DAB1: variants seen among roughly 807,000 people sequenced by gnomAD.
DAB1 encodes the protein DAB adaptor protein 1, also known as disabled homolog 1.
Under a neutral mutation model 64.6 loss-of-function variants are expected in DAB1, and 15 were observed. That is an observed-to-expected ratio of 0.23 (90% CI 0.16 to 0.36). DAB1 has a LOEUF of 0.36. Ranked by LOEUF, DAB1 falls within the 10% of genes least tolerant of loss-of-function variation. DAB1 has a pLI of 1.00. For synonymous variants in DAB1, 235 were observed against 251.9 expected (o/e 0.93, Z 0.64); for missense variants, 596 against 706.7 (o/e 0.84, Z 1.78).
At chr1:57,677,580 G>A (rs111868953) in intron 6 of DAB1, among the ~76,000 whole-genome samples, 4 of 152,094 alleles carry the variant, frequency 2.6e-5, no homozygotes, top group African/African-American at 9.7e-5. Flanking sequence ...ATACCACGTG[G>A]CAATGATCTG....
chr1:57,181,159 G>C (rs1281447008), intron 2 of DAB1, among the ~76,000 whole-genome samples: 3 of 152,156 alleles, frequency 2.0e-5, no homozygotes, highest in African/African-American at 7.2e-5. Context: ...AAAAGTGGAA[G>C]GGAAAAGAAG....
intron 1 of DAB1, among the ~76,000 whole-genome samples, chr1:57,382,315 C>T (rs919750674): frequency 2.6e-5 from 4 of 152,176 alleles, no homozygotes; most frequent in Non-Finnish European, 4.4e-5. Flanking sequence ...TTGCTTGAGT[C>T]AGTTTCCTCT....
chr1:57,578,593 A>G (rs1645277668), intron 7 of DAB1, among the ~76,000 whole-genome samples: 1 of 152,188 alleles, frequency 6.6e-6, no homozygotes, highest in Non-Finnish European at 1.5e-5. Flanking sequence ...CAACTCATCT[A>G]TCTGAGCTCT....
intron 3 of DAB1, among the ~76,000 whole-genome samples, chr1:58,363,933 T>C (rs1471643825): frequency 2.6e-5 from 4 of 152,162 alleles, no homozygotes; most frequent in Admixed American, 2.6e-4. Flanking sequence ...GGGTATTAGG[T>C]TGGTGCAACA....
At chr1:58,539,006 A>C (rs1646561750) in intron 1 of DAB1, 2 of 872,840 alleles carry the variant, frequency 2.3e-6, no homozygotes, top group Admixed American at 1.7e-5. Context: ...CATACAGTAC[A>C]TTTGCTGGTA....
chr1:57,743,956 T>C (rs1434287832), intron 6 of DAB1, among the ~76,000 whole-genome samples: 2 of 152,278 alleles, frequency 1.3e-5, no homozygotes, highest in Non-Finnish European at 2.9e-5. Flanking sequence ...CACAGATCCC[T>C]CATGCATTTG....
chr1:57,340,845 C>T (rs942924872), intron 1 of DAB1, among the ~76,000 whole-genome samples: 4 of 152,198 alleles, frequency 2.6e-5, no homozygotes, highest in African/African-American at 9.7e-5. Context: ...GGGCTCTGAA[C>T]TACAAGAAGG....
chr1:57,996,556 T>C lies in DAB1; in HGVS notation n.388-112394A>G, dbSNP rs58047781. On this transcript the variant is annotated intron_variant and non_coding_transcript_variant, in intron 5 of 20. Coordinates refer to the DAB1 transcript ENST00000485760. ...CATTCATGAGCCCTTGCTTTGATCC[T>C]TTCTGGTTTATCTAAGCTGTTTTTA... Among the ~76,000 whole-genome samples, 657 of 152,310 alleles carry C rather than the reference T, an allele frequency of 4.3e-3. 5 individuals carry two copies. The highest frequency in any genetic ancestry group is 0.015 in the African/African-American group (618 of 41,576).
chr1:58,542,212 T>C (rs992419900), intron 1 of DAB1, among the ~76,000 whole-genome samples: 4 of 152,258 alleles, frequency 2.6e-5, no homozygotes, highest in Non-Finnish European at 5.9e-5. Context: ...TCCAGGCTGA[T>C]ATATAATAGT....
Position 58,007,867 on chromosome 1 carries a change from G to A in DAB1, n.388-123705C>T, listed in dbSNP as rs1646609496. On this transcript the variant is annotated intron_variant and non_coding_transcript_variant, in intron 5 of 20. Transcript: ENST00000485760. ...AAAGTTCAGCTTTATTTTATATTTG[G>A]GGGCCATATTTTATTCTTTCACATG... Among the ~76,000 whole-genome samples the A allele has an allele frequency of 2.6e-5, 4 of 152,056 alleles. No homozygotes were observed. In the South Asian group the frequency reaches 6.2e-4, roughly 24 times the overall value.
chr1:58,487,539 C>T (rs569225180), intron 3 of DAB1, among the ~76,000 whole-genome samples: 3 of 152,236 alleles, frequency 2.0e-5, no homozygotes, highest in African/African-American at 4.8e-5. Flanking sequence ...TAATTAGTAA[C>T]TAGGCAATTG....
intron 6 of DAB1, among the ~76,000 whole-genome samples, chr1:57,810,711 A>G (rs1651579191): frequency 6.6e-6 from 1 of 152,182 alleles, no homozygotes; most frequent in East Asian, 1.9e-4. Context: ...GCATCTCCCA[A>G]AAGTCCTGTA....
chr1:58,337,873 T>C (rs1663159779), intron 4 of DAB1, among the ~76,000 whole-genome samples: 3 of 152,090 alleles, frequency 2.0e-5, no homozygotes, highest in African/African-American at 4.8e-5. Flanking sequence ...AGAGTTTCAG[T>C]CATGCAAAAT....
At chr1:57,762,814 C>T (rs1396231485) in intron 6 of DAB1, among the ~76,000 whole-genome samples, 3 of 152,192 alleles carry the variant, frequency 2.0e-5, no homozygotes, top group Admixed American at 6.5e-5. Context: ...TGAGAGATGT[C>T]CTTTATCCTT....
chr1:58,277,646 G>T (rs1661481854), intron 4 of DAB1, among the ~76,000 whole-genome samples: 1 of 152,142 alleles, frequency 6.6e-6, no homozygotes. Flanking sequence ...AATACAGCCA[G>T]ATCCCTGCTG....
At chr1:57,215,964 G>A (rs1557956403) in intron 2 of DAB1, among the ~76,000 whole-genome samples, 1 of 152,176 alleles carries the variant, frequency 6.6e-6, no homozygotes, top group South Asian at 2.1e-4. Flanking sequence ...TGAAGAGTAG[G>A]CCCCAACTGA....
At chr1:58,534,285 C>T (rs753468868) in intron 1 of DAB1, 13 of 868,304 alleles carry the variant, frequency 1.5e-5, no homozygotes, top group Admixed American at 3.5e-5. Context: ...AGCCAGGTAT[C>T]GGGCATCTTT....
In DAB1 at chr1:57,228,293, T is replaced by C. The variant is rs534923727; in HGVS notation, c.67+62671A>G. 2.0e-5 allele frequency among the ~76,000 whole-genome samples: 3 copies of C among 152,306 alleles called. No individual in the cohort carries two copies. In the East Asian group the frequency reaches 5.8e-4, roughly 29 times the overall value. Reference sequence around the variant, plus strand: ...CACACGTTAGAATTTTGACCTGGATTGCACTGAATCTATGATTTCATTTGC... The same window carrying C: ...CACACGTTAGAATTTTGACCTGGATCGCACTGAATCTATGATTTCATTTGC... On this transcript the variant is annotated intron_variant, in intron 2 of 14. Coordinates refer to ENST00000371236, the MANE Select transcript of DAB1 (RefSeq NM_001365792.1).
intron 4 of DAB1, among the ~76,000 whole-genome samples, chr1:58,198,630 A>G (rs913215766): frequency 6.6e-5 from 10 of 152,346 alleles, no homozygotes; most frequent in South Asian, 2.1e-4. Context: ...GAATTGATTC[A>G]GATCTTTGAC....
Sources: allele counts gnomAD v4.1 joint callset (sites outside exome capture counted in the v4.1 genomes callset), GRCh38; gene constraint gnomAD v4.1.1; transcripts MANE v1.5; gene names NCBI Gene and HGNC (gene_info 2026-07-23, HGNC 2026-07-21).